ARL8B: variants seen among roughly 807,000 people sequenced by gnomAD.
ARL8B encodes ARF like GTPase 8B.
In ARL8B, 9 loss-of-function variants were observed where a neutral mutation model predicts 30.6. The ratio of observed to expected loss-of-function variants is 0.29; its 90% confidence interval spans 0.18 to 0.51. The LOEUF (loss-of-function observed/expected upper bound fraction) is 0.51, where lower values mean the gene tolerates loss of function less well. Ranked by LOEUF, ARL8B falls within the 20% of genes least tolerant of loss-of-function variation. The probability of loss-of-function intolerance (pLI) is 0.97; values close to 1 mark genes in which losing one functional copy is unlikely to be tolerated. For missense variants in ARL8B, 130 were observed against 227.2 expected, an observed-to-expected ratio of 0.57 and a Z score of 2.75; for synonymous variants, 74 against 76.0, an observed-to-expected ratio of 0.97 and a Z score of 0.14.
intron 1 of ARL8B, among the ~76,000 whole-genome samples, chr3:5,163,014 G>T (rs1043932234): frequency 1.4e-5 from 2 of 143,176 alleles, no homozygotes; most frequent in South Asian, 2.2e-4. Context: ...TTGAGACGGA[G>T]TCTTGCTGTG....
rs144588600 is a variant in ARL8B, at chr3:5,130,244, G to A, written c.123+7656G>A. 1.8e-4 allele frequency among the ~76,000 whole-genome samples: 27 copies of A among 147,914 alleles called. No homozygotes were observed. In the East Asian group the frequency reaches 5.3e-3, roughly 29 times the overall value. On this transcript the variant is annotated intron_variant, in intron 1 of 6. Transcript: ENST00000256496. ...TCACTGTGTTGCTCAGCCTGGTCCC[G>A]GAACTCCTGGGCTCAAGAGATTCTC...
intron 1 of ARL8B, among the ~76,000 whole-genome samples, chr3:5,163,922 T>C (rs1267399738): frequency 6.6e-6 from 1 of 152,124 alleles, no homozygotes; most frequent in Non-Finnish European, 1.5e-5. Context: ...TTGAATATCA[T>C]GTATGTGTTT....
intron 1 of ARL8B, among the ~76,000 whole-genome samples, chr3:5,123,082 T>C (rs988008751): frequency 1.6e-4 from 25 of 152,332 alleles, no homozygotes; most frequent in African/African-American, 5.3e-4. Flanking sequence ...GAGACCAGTG[T>C]GAGCGCCTTC....
At chr3:5,149,791 A>T (rs1202649099) in intron 1 of ARL8B, among the ~76,000 whole-genome samples, 2 of 152,226 alleles carry the variant, frequency 1.3e-5, no homozygotes, top group South Asian at 4.1e-4. Flanking sequence ...TTATGACTTG[A>T]AAATGGACCA....
chr3:5,147,601 G>A (rs567214489), intron 1 of ARL8B, among the ~76,000 whole-genome samples: 1 of 151,952 alleles, frequency 6.6e-6, no homozygotes, highest in Non-Finnish European at 1.5e-5. Flanking sequence ...TTGATTTAAC[G>A]TTTTTCTGAC....
chr3:5,144,897 CAA>C (rs2054404946), intron 1 of ARL8B, among the ~76,000 whole-genome samples: 1 of 152,154 alleles, frequency 6.6e-6, no homozygotes, highest in Non-Finnish European at 1.5e-5. Flanking sequence ...CAGATTTTTC[CAA>C]AAGTGTGTAC....
chr3:5,140,111 G>A (rs376054168), intron 1 of ARL8B, among the ~76,000 whole-genome samples: 1 of 151,728 alleles, frequency 6.6e-6, no homozygotes, highest in African/African-American at 2.4e-5. Flanking sequence ...CTCACTTTGG[G>A]GAGCGTGTGT....
chr3:5,174,239 A>G lies in ARL8B; in HGVS notation c.441-105A>G, dbSNP rs73002998. 11,885 of 1,076,652 alleles carry G rather than the reference A, an allele frequency of 0.011. 92 individuals carry two copies. Among genetic ancestry groups the G allele is most frequent in the Non-Finnish European group, 0.014 (9,812 of 711,078 alleles). 66.7% of individuals were successfully genotyped at this position (1,076,652 alleles called of 1,614,324 possible). On this transcript the variant is annotated intron_variant, in intron 5 of 6. Coordinates refer to ENST00000256496, the MANE Select transcript of ARL8B (RefSeq NM_018184.3). ...ATCCTAACATTTTAGGATTGCTACG[A>G]TGATTTCTTCAGTATAGTAATAAAA...
Position 5,178,756 on chromosome 3 carries a change from A to G in ARL8B, c.*43A>G. The G allele has an allele frequency of 6.2e-7, 1 of 1,610,344 alleles. No individual in the cohort carries two copies. The highest frequency in any genetic ancestry group is 8.5e-7 in the Non-Finnish European group (1 of 1,179,514). On this transcript the variant is annotated 3_prime_UTR_variant, in exon 7 of 7. Transcript: ENST00000256496. ...TCCAGTCCTTCTTGGCTATAATCCT[A>G]GAATTATTGTCCGTTCCTCTGAAGT...
chr3:5,173,881 A>G (rs1480728518), intron 4 of ARL8B, 136 bp from the exon 5 acceptor site: 2 of 731,316 alleles, frequency 2.7e-6, no homozygotes, highest in African/African-American at 1.8e-5. Context: ...GAGACAAGCC[A>G]CCAGTTACAC....
At chr3:5,150,506 G>A (rs998016740) in intron 1 of ARL8B, among the ~76,000 whole-genome samples, 2 of 112,746 alleles carry the variant, frequency 1.8e-5, no homozygotes, top group South Asian at 5.2e-4. Flanking sequence ...TTTGGAGCCA[G>A]GCATGGTGGC....
At chr3:5,173,296 C>G (rs931876621) in intron 4 of ARL8B, among the ~76,000 whole-genome samples, 1 of 152,118 alleles carries the variant, frequency 6.6e-6, no homozygotes, top group Non-Finnish European at 1.5e-5. Flanking sequence ...GAGAAGAGGC[C>G]AGTCTCTAGA....
At chr3:5,150,644 G>A (rs532236163) in intron 1 of ARL8B, among the ~76,000 whole-genome samples, 7 of 151,990 alleles carry the variant, frequency 4.6e-5, no homozygotes, top group East Asian at 1.9e-4. Context: ...TTAGCTGGGC[G>A]TGGTGGCACA....
intron 6 of ARL8B, among the ~76,000 whole-genome samples, chr3:5,177,085 C>T (rs1222662999): frequency 2.6e-5 from 4 of 152,114 alleles, no homozygotes; most frequent in African/African-American, 7.2e-5. Context: ...TACATGTTTT[C>T]TGTTTTTCCA....
intron 1 of ARL8B, among the ~76,000 whole-genome samples, chr3:5,135,489 C>T (rs753751527): frequency 1.1e-4 from 16 of 151,738 alleles, no homozygotes; most frequent in Admixed American, 7.9e-4. Context: ...GATGGATTCT[C>T]GCTCTGTCGC....
At chr3:5,177,348 G>C (rs1338039130) in intron 6 of ARL8B, among the ~76,000 whole-genome samples, 1 of 152,112 alleles carries the variant, frequency 6.6e-6, no homozygotes, top group East Asian at 1.9e-4. Flanking sequence ...CAGTTCATCT[G>C]AGTATCTTAT....
At chr3:5,136,463 A>G (rs1448289557) in intron 1 of ARL8B, among the ~76,000 whole-genome samples, 1 of 152,144 alleles carries the variant, frequency 6.6e-6, no homozygotes, top group Non-Finnish European at 1.5e-5. Context: ...TGATAAATCT[A>G]ATTCTTCCGC....
Position 5,164,922 on chromosome 3 carries a change from T to C in ARL8B, c.124-5581T>C, listed in dbSNP as rs552998111. 2.6e-5 allele frequency among the ~76,000 whole-genome samples: 4 copies of C among 152,326 alleles called. No homozygotes were observed. In the South Asian group the frequency reaches 8.3e-4, roughly 32 times the overall value. ...TTGAAAAATTCACACATAACCCTTC[T>C]TTTAAATAGAGTGTTCCTCGTTTTG... is the stretch of plus-strand genomic sequence containing the variant. On this transcript the variant is annotated intron_variant, in intron 1 of 6. Transcript: ENST00000256496.
At position 5,173,998 on chromosome 3, in the gene ARL8B, A is replaced by G. The variant is rs2054702314; in HGVS notation, c.373-19A>G. 2 of 1,585,602 alleles carry G rather than the reference A, an allele frequency of 1.3e-6. No individual in the cohort carries two copies. The highest frequency in any genetic ancestry group is 1.3e-5 in the African/African-American group (1 of 74,406). ...TTTCTTGCATAAACGTGTGCTCTTAATATCTTTTCTTTTTAAAGGTGCTAG... is the reference window on the plus strand; with the variant it reads ...TTTCTTGCATAAACGTGTGCTCTTAGTATCTTTTCTTTTTAAAGGTGCTAG... On this transcript the variant is annotated intron_variant, in intron 4 of 6. Transcript: ENST00000256496.
Sources: allele counts gnomAD v4.1 joint callset (sites outside exome capture counted in the v4.1 genomes callset), GRCh38; gene constraint gnomAD v4.1.1; transcripts MANE v1.5; gene names NCBI Gene and HGNC (gene_info 2026-07-23, HGNC 2026-07-21).